ZNF490: variants seen among roughly 807,000 people sequenced by gnomAD.
ZNF490 encodes the protein zinc finger protein 490.
In ZNF490, 11 loss-of-function variants were observed where a neutral mutation model predicts 17.7. That is an observed-to-expected ratio of 0.62 (90% confidence interval 0.39 to 1.03). ZNF490 has a LOEUF of 1.03. Among genes scored for constraint, ZNF490 ranks in the 50% least tolerant of loss-of-function variants. ZNF490 has a pLI of 0.00. For synonymous variants in ZNF490, 222 were observed against 216.1 expected, an observed-to-expected ratio of 1.03 and a Z score of -0.24; for missense variants, 542 against 643.4, an observed-to-expected ratio of 0.84 and a Z score of 1.71.
chr19:12,581,405 A>G lies in ZNF490; in HGVS notation c.670T>C (p.Cys224Arg). ...RIHTGEKPYECKECGKAFAFL... is the reference protein window; with the variant it reads ...RIHTGEKPYERKECGKAFAFL... Reference sequence around the variant, plus strand: ...GCGAAGGCTTTGCCACATTCCTTACATTCATAGGGTTTCTCTCCAGTGTGA... The same window carrying G: ...GCGAAGGCTTTGCCACATTCCTTACGTTCATAGGGTTTCTCTCCAGTGTGA... The change falls in exon 5 of 5, where the codon TGT becomes CGT. Residue 224 changes from cysteine (C) to arginine (R), a missense_variant. Cys to Arg is a radical substitution (Grantham distance 180). Coordinates refer to ENST00000311437, the MANE Select transcript of ZNF490 (RefSeq NM_020714.3). 1 of 1,614,212 alleles carries G rather than the reference A, an allele frequency of 6.2e-7. No homozygotes were observed. Among genetic ancestry groups the G allele is most frequent in the Non-Finnish European group, 8.5e-7 (1 of 1,180,014 alleles).
At position 12,576,818 on chromosome 19, in the gene ZNF490, A is replaced by G. The variant is rs1176390811; in HGVS notation, c.*3667T>C. On this transcript the variant is annotated 3_prime_UTR_variant, in exon 5 of 5. Transcript: ENST00000311437. The stretch of plus-strand genomic sequence containing the variant: ...GCAACAGTGAGAATCCATCTCAAAA[A>G]AAAAAAAAAAAAAAAAAACCTAAAA... 6.6e-6 allele frequency among the ~76,000 whole-genome samples: 1 copy of G among 150,818 alleles called. No individual in the cohort carries two copies. The highest frequency in any genetic ancestry group is 1.5e-5 in the Non-Finnish European group (1 of 67,710).
intron 2 of ZNF490, among the ~76,000 whole-genome samples, chr19:12,595,159 GA>G (rs2022916268): frequency 6.6e-6 from 1 of 150,410 alleles, no homozygotes; most frequent in African/African-American, 2.4e-5. Context: ...TTTTTTTTTT[GA>G]GACCGAGTTT....
At chr19:12,590,175 A>G (rs972554459) in intron 2 of ZNF490, among the ~76,000 whole-genome samples, 1 of 150,648 alleles carries the variant, frequency 6.6e-6, no homozygotes, top group Non-Finnish European at 1.5e-5. Flanking sequence ...TCAGCCTCCC[A>G]AAGTGCTGGG....
At chr19:12,592,741 C>CT (rs2022887213) in intron 2 of ZNF490, among the ~76,000 whole-genome samples, 2 of 152,152 alleles carry the variant, frequency 1.3e-5, no homozygotes, top group African/African-American at 2.4e-5. Context: ...TGGTACATCA[C>CT]TTATAACAGA....
rs59937497 is a variant in ZNF490, at chr19:12,581,475, C to T, written c.600G>A (p.Gly200=). 1.9e-4 allele frequency: 309 copies of T among 1,614,198 alleles called. 1 individual carries two copies. The East Asian group carries it at 5.5e-3, about 29-fold the overall frequency. ...TACTGGAGCTGCGAGTGAAGGTTTT[C>T]CCACATTCTTTGCATTTATGTGGCT... is the stretch of plus-strand genomic sequence containing the variant. ...GEKPHKCKEC[G]KTFTRSSSIR... Residue 200 remains glycine (G), a synonymous_variant, in exon 5 of 5, where the codon GGG becomes GGA. Transcript: ENST00000311437.
At chr19:12,583,804 TATATA>T (rs2022776841) in intron 2 of ZNF490, among the ~76,000 whole-genome samples, 1 of 118,396 alleles carries the variant, frequency 8.4e-6, no homozygotes, top group African/African-American at 3.3e-5. Context: ...TATATATATA[TATATA>T]TATTTTTTTT....
At position 12,579,763 on chromosome 19, in the gene ZNF490, C is replaced by G. The variant is rs533828674; in HGVS notation, c.*722G>C. ...AGGTTACAGTGAGCCAGGATCACAC[C>G]ACTGCACTCCAGCCTGGGGCAACAG... On this transcript the variant is annotated 3_prime_UTR_variant, in exon 5 of 5. Coordinates refer to ENST00000311437, the MANE Select transcript of ZNF490 (RefSeq NM_020714.3). The G allele has an allele frequency of 6.6e-6, 1 of 152,398 alleles. No homozygotes were observed. The highest frequency in any genetic ancestry group is 2.4e-5 in the African/African-American group (1 of 41,476). The allele number at this position is 152,398 out of a possible 1,614,324, so 9.4% of individuals were successfully genotyped here.
At chr19:12,605,786 G>A (rs942972799) in intron 2 of ZNF490, among the ~76,000 whole-genome samples, 4 of 152,274 alleles carry the variant, frequency 2.6e-5, no homozygotes, top group Non-Finnish European at 5.9e-5. Context: ...GTGGTTATTG[G>A]TGGACCAGAA....
chr19:12,601,577 G>A (rs921691981), intron 2 of ZNF490, among the ~76,000 whole-genome samples: 1 of 151,960 alleles, frequency 6.6e-6, no homozygotes, highest in Non-Finnish European at 1.5e-5. Context: ...AAGATATGAG[G>A]TTGCACTATA....
chr19:12,605,452 G>T (rs1455097148), intron 2 of ZNF490, among the ~76,000 whole-genome samples: 2 of 151,028 alleles, frequency 1.3e-5, no homozygotes, highest in African/African-American at 4.9e-5. Context: ...CTGCACTCCA[G>T]CCTGGGAGAC....
Position 12,579,916 on chromosome 19 carries a change from T to G in ZNF490, c.*569A>C, listed in dbSNP as rs1453290623. ...TGAGGTCAGGAGTTTGAGACCAGCC[T>G]GACCAACATGGAGAAACCCCATCTC... On this transcript the variant is annotated 3_prime_UTR_variant, in exon 5 of 5. Coordinates refer to ENST00000311437, the MANE Select transcript of ZNF490 (RefSeq NM_020714.3). 1 of 155,616 alleles carries G rather than the reference T, an allele frequency of 6.4e-6. No homozygotes were observed. The highest frequency in any genetic ancestry group is 6.5e-5 in the Admixed American group (1 of 15,328). 9.6% of individuals were successfully genotyped at this position (155,616 alleles called of 1,614,324 possible).
intron 2 of ZNF490, among the ~76,000 whole-genome samples, chr19:12,607,929 T>A (rs2023090648): frequency 6.6e-6 from 1 of 152,118 alleles, no homozygotes; most frequent in African/African-American, 2.4e-5. Context: ...GTCAGGCAAG[T>A]TCCTGGCCAG....
At chr19:12,583,272 C>A (rs1332886689) in intron 3 of ZNF490, among the ~76,000 whole-genome samples, 158 bp downstream of exon 3, 1 of 152,110 alleles carries the variant, frequency 6.6e-6, no homozygotes, top group Non-Finnish European at 1.5e-5. Context: ...GACTCCTGAC[C>A]TCTTAATCCG....
At chr19:12,602,127 C>CACACACACACACAT (rs35798638) in intron 2 of ZNF490, among the ~76,000 whole-genome samples, 226 of 141,972 alleles carry the variant, frequency 1.6e-3, no homozygotes, top group South Asian at 4.1e-3. Context: ...CACACACACA[C>CACACACACACACAT]ATATATGGGC....
intron 2 of ZNF490, among the ~76,000 whole-genome samples, chr19:12,601,808 T>C (rs10415847): frequency 0.019 from 2,812 of 151,448 alleles, 95 homozygotes; most frequent in African/African-American, 0.063. Context: ...CTGGCTAACA[T>C]GGTGAAACCC....
intron 2 of ZNF490, among the ~76,000 whole-genome samples, chr19:12,607,700 G>C (rs1318935337): frequency 6.7e-6 from 1 of 149,936 alleles, no homozygotes; most frequent in Non-Finnish European, 1.5e-5. Flanking sequence ...CCAGGAGCTT[G>C]AGACCAGCCT....
intron 4 of ZNF490, among the ~76,000 whole-genome samples, chr19:12,582,404 G>A (rs1184509633): frequency 2.0e-5 from 3 of 151,670 alleles, no homozygotes; most frequent in South Asian, 2.1e-4. Flanking sequence ...GACAGTTTCT[G>A]TTGTTTTTTT....
intron 3 of ZNF490, 127 bp downstream of exon 3, chr19:12,583,303 C>G: frequency 8.9e-7 from 1 of 1,128,216 alleles, no homozygotes; most frequent in East Asian, 2.9e-5. Flanking sequence ...CCTCCCAAAG[C>G]ACTGGGATTA....
chr19:12,610,348 G>C (rs1028429974), intron 1 of ZNF490, among the ~76,000 whole-genome samples: 1 of 125,504 alleles, frequency 8.0e-6, no homozygotes, highest in Non-Finnish European at 1.6e-5. Flanking sequence ...CTGGGACTAC[G>C]GGTGTGCGCC....
Sources: gnomAD v4.1 joint callset for allele counts (sites outside exome capture counted in the v4.1 genomes callset) on GRCh38, gnomAD v4.1.1 for gene constraint, MANE v1.5 for transcripts, NCBI Gene and HGNC (gene_info 2026-07-23, HGNC 2026-07-21) for gene names.